Variants in UBA3 observed in about 807,000 individuals in gnomAD.
UBA3 encodes the protein NEDD8-activating enzyme E1 catalytic subunit.
A neutral mutation model predicts 73.5 loss-of-function variants in UBA3; 26 were observed. The observed-to-expected ratio is 0.35, with a 90% confidence interval of 0.26 to 0.49. The LOEUF (loss-of-function observed/expected upper bound fraction) is 0.49. UBA3 is among the 20% of genes least tolerant of loss of function. UBA3 has a pLI of 0.98. For missense variants in UBA3, 495 were observed against 555.6 expected, an observed-to-expected ratio of 0.89 and a Z score of 1.10; for synonymous variants, 217 against 191.2, an observed-to-expected ratio of 1.13 and a Z score of -1.11.
At chr3:69,062,291 A>G (rs2092028273) in intron 9 of UBA3, 112 bp from the exon 10 acceptor site, 1 of 734,024 alleles carries the variant, frequency 1.4e-6, no homozygotes, top group Admixed American at 2.3e-5. Flanking sequence ...TCAACTCAAA[A>G]TATTGTATAC....
intron 3 of UBA3, 36 bp downstream of exon 3, chr3:69,077,762 T>C: frequency 6.3e-7 from 1 of 1,585,388 alleles, no homozygotes; most frequent in African/African-American, 1.4e-5. Flanking sequence ...AACATAAAAC[T>C]ATTAGAGCAG....
intron 5 of UBA3, among the ~76,000 whole-genome samples, chr3:69,069,414 G>T (rs2092103573): frequency 6.6e-6 from 1 of 151,964 alleles, no homozygotes; most frequent in African/African-American, 2.4e-5. Flanking sequence ...TATAACCTCT[G>T]CCTCCCAGAT....
chr3:69,061,125 A>G (rs1174807760), intron 11 of UBA3, among the ~76,000 whole-genome samples: 1 of 152,244 alleles, frequency 6.6e-6, no homozygotes, highest in Non-Finnish European at 1.5e-5. Flanking sequence ...TGTCCTCAAT[A>G]TGTTAAAAGC....
chr3:69,064,131 C>T lies in UBA3; in HGVS notation c.429-20G>A, dbSNP rs2107488411. On this transcript the variant is annotated intron_variant, in intron 6 of 17. Transcript: ENST00000361055. ...AAATGTCTGAATACAAGTAAAGGAA[C>T]TTAAGCAGCTAAGTTTTAATTTCTA... The T allele has an allele frequency of 6.3e-7, 1 of 1,584,548 alleles. No individual in the cohort carries two copies. The highest frequency in any genetic ancestry group is 1.7e-4 in the Middle Eastern group (1 of 5,864).
chr3:69,075,565 A>G (rs1181783495), intron 3 of UBA3, 55 bp from the exon 4 acceptor site: 3 of 1,078,282 alleles, frequency 2.8e-6, no homozygotes, highest in Non-Finnish European at 3.8e-6. Flanking sequence ...AAAGACTATA[A>G]ATAAAGCAAC....
intron 11 of UBA3, among the ~76,000 whole-genome samples, chr3:69,060,874 T>G (rs574453923): frequency 2.0e-5 from 3 of 152,316 alleles, no homozygotes; most frequent in Admixed American, 2.0e-4. Context: ...ATGACATGCC[T>G]TGCCATCCCC....
In UBA3 at chr3:69,080,138, C is replaced by T. The variant is rs2092206272; in HGVS notation, c.36G>A (p.Arg12=). 1 of 1,609,782 alleles carries T rather than the reference C, an allele frequency of 6.2e-7. No homozygotes were observed. Among genetic ancestry groups the T allele is most frequent in the Non-Finnish European group, 8.5e-7 (1 of 1,179,004 alleles). Residue 12 remains arginine (R), a synonymous_variant, in exon 2 of 18, where the codon AGG becomes AGA. Coordinates refer to ENST00000361055, the MANE Select transcript of UBA3 (RefSeq NM_003968.4). ...TCTCAGCCAGCAGCTCCTCTATTCT[C>T]CTTCTTTTCTTCTCCCTAAAAGAGA... The part of the protein sequence containing the change: ...ADGEEPEKKR[R]RIEELLAEKM...
chr3:69,067,726 G>A (rs1224668769), intron 6 of UBA3, among the ~76,000 whole-genome samples: 2 of 151,942 alleles, frequency 1.3e-5, no homozygotes, highest in Non-Finnish European at 2.9e-5. Flanking sequence ...AAAAATCAGG[G>A]CCCAAAAAAT....
At chr3:69,057,932 T>TA (rs1255463530) in intron 11 of UBA3, among the ~76,000 whole-genome samples, 2 of 146,162 alleles carry the variant, frequency 1.4e-5, no homozygotes, top group Non-Finnish European at 3.0e-5. Context: ...TTCTTTTTTT[T>TA]TTTTTTTTTT....
chr3:69,062,843 T>G lies in UBA3; in HGVS notation c.693+139A>C, dbSNP rs201601688. On this transcript the variant is annotated intron_variant, in intron 9 of 17. Coordinates refer to ENST00000361055, the MANE Select transcript of UBA3 (RefSeq NM_003968.4). ...TCCTCAAATAGAGCAGAATTTCATA[T>G]TTTATCTTTCTTCTTAGTGTAATTT... 43 of 1,064,894 alleles carry G rather than the reference T, an allele frequency of 4.0e-5. 1 individual carries two copies. The East Asian group carries it at 1.1e-3, about 27-fold the overall frequency. 66.0% of individuals were successfully genotyped at this position (1,064,894 alleles called of 1,614,324 possible). A position where few individuals can be genotyped will look rare whatever the true frequency, so the allele number is the denominator to read the frequency against.
At chr3:69,071,480 T>G in intron 5 of UBA3, 55 bp downstream of exon 5, 1 of 954,080 alleles carries the variant, frequency 1.0e-6, no homozygotes, top group East Asian at 2.6e-5. Context: ...AATGTACAAG[T>G]TCAAATGATT....
At chr3:69,070,827 G>T (rs1327115779) in intron 5 of UBA3, among the ~76,000 whole-genome samples, 1 of 151,884 alleles carries the variant, frequency 6.6e-6, no homozygotes, top group Non-Finnish European at 1.5e-5. Flanking sequence ...TAATTTTTTT[G>T]TAGAGACGAA....
chr3:69,061,579 A>T (rs1038862903), intron 11 of UBA3: 9 of 396,654 alleles, frequency 2.3e-5, no homozygotes, highest in African/African-American at 1.8e-4. Flanking sequence ...AGAGATGATG[A>T]ATTCAGTGGA....
chr3:69,056,169 T>C lies in UBA3; in HGVS notation c.1184+14A>G. ...AATGATTTTTACAACATAACAAAAA[T>C]CTACAATACTTACAGAGAAGCACTA... On this transcript the variant is annotated intron_variant, in intron 15 of 17. Coordinates refer to ENST00000361055, the MANE Select transcript of UBA3 (RefSeq NM_003968.4). 2 of 1,567,652 alleles carry C rather than the reference T, an allele frequency of 1.3e-6. No individual in the cohort carries two copies. Among genetic ancestry groups the C allele is most frequent in the East Asian group, 4.5e-5 (2 of 44,442 alleles).
chr3:69,078,306 G>T (rs2092185774), intron 2 of UBA3, among the ~76,000 whole-genome samples: 1 of 152,074 alleles, frequency 6.6e-6, no homozygotes, highest in Non-Finnish European at 1.5e-5. Flanking sequence ...CTTGCATTAG[G>T]AAATATGAGA....
intron 11 of UBA3, among the ~76,000 whole-genome samples, chr3:69,060,988 T>C (rs1033273965): frequency 2.0e-5 from 3 of 152,218 alleles, no homozygotes; most frequent in Admixed American, 6.5e-5. Flanking sequence ...AATAAACCTC[T>C]TTCCTGAATA....
intron 4 of UBA3, 86 bp from the exon 5 acceptor site, chr3:69,071,703 A>G: frequency 2.6e-6 from 2 of 771,438 alleles, no homozygotes; most frequent in Non-Finnish European, 4.0e-6. Flanking sequence ...TCTTAAGTCT[A>G]CAAATTCTCA....
rs146419725 is a variant in UBA3, at chr3:69,057,755, C to G, written c.911-446G>C. Among the ~76,000 whole-genome samples, 328 of 152,126 alleles carry G rather than the reference C, an allele frequency of 2.2e-3. 1 individual carries two copies. Among genetic ancestry groups the G allele is most frequent in the African/African-American group, 7.6e-3 (317 of 41,496 alleles). On this transcript the variant is annotated intron_variant, in intron 11 of 17. Transcript: ENST00000361055. ...GTTGGCATATGAACACAGATATTAA[C>G]TGATACACCATGAAGAATAAGTGTT...
intron 9 of UBA3, 99 bp downstream of exon 9, chr3:69,062,883 C>T: frequency 8.4e-6 from 12 of 1,429,008 alleles, no homozygotes; most frequent in Non-Finnish European, 1.1e-5. Context: ...AATACGGCCA[C>T]TTCTAATTAA....
Sources: gnomAD v4.1 joint callset for allele counts (sites outside exome capture counted in the v4.1 genomes callset) on GRCh38, gnomAD v4.1.1 for gene constraint, MANE v1.5 for transcripts, NCBI Gene and HGNC (gene_info 2026-07-23, HGNC 2026-07-21) for gene names.